Variants in GDAP1 observed in about 807,000 individuals in gnomAD.
The protein encoded by GDAP1 is ganglioside induced differentiation associated protein 1, also known as ganglioside-induced differentiation-associated protein 1.
A neutral mutation model predicts 40.1 loss-of-function variants in GDAP1; 34 were observed. That is an observed-to-expected ratio of 0.85 (90% CI 0.64 to 1.13). The LOEUF is 1.13. GDAP1 is among the 50% of genes most tolerant of loss of function. The pLI, the probability that GDAP1 is intolerant of heterozygous loss-of-function variation, is 0.00. For missense variants in GDAP1, 374 were observed against 433.7 expected, an observed-to-expected ratio of 0.86 and a Z score of 1.22; for synonymous variants, 170 against 157.4, an observed-to-expected ratio of 1.08 and a Z score of -0.60.
chr8:74,464,562 G>T (rs1470446765), intron 2 of GDAP1, among the ~76,000 whole-genome samples: 2 of 152,166 alleles, frequency 1.3e-5, no homozygotes, highest in African/African-American at 4.8e-5. Context: ...AAAAACATAT[G>T]GTTGTCCCTG....
chr8:74,378,113 G>A (rs575467395), intron 2 of GDAP1, among the ~76,000 whole-genome samples: 1 of 152,284 alleles, frequency 6.6e-6, no homozygotes, highest in South Asian at 2.1e-4. Context: ...CCCAAAATCA[G>A]TGTATCAGTG....
intron 2 of GDAP1, among the ~76,000 whole-genome samples, chr8:74,416,896 T>A (rs922838785): frequency 7.5e-5 from 11 of 146,832 alleles, no homozygotes; most frequent in Non-Finnish European, 7.4e-5. Context: ...TTTCCACTTA[T>A]GAAAAGTTTT....
intron 1 of GDAP1, 143 bp downstream of exon 1, chr8:74,350,721 C>A: frequency 1.4e-6 from 1 of 714,950 alleles, no homozygotes; most frequent in Non-Finnish European, 2.5e-6. Flanking sequence ...TCCCTCCAGG[C>A]GGGGACGCGC....
At chr8:74,392,049 C>T (rs1308951582) in intron 2 of GDAP1, among the ~76,000 whole-genome samples, 2 of 152,132 alleles carry the variant, frequency 1.3e-5, no homozygotes, top group African/African-American at 4.8e-5. Context: ...GAACTCCCGA[C>T]CTCAGGTGAT....
chr8:74,382,124 A>G (rs951784765), intron 2 of GDAP1, among the ~76,000 whole-genome samples: 1 of 152,022 alleles, frequency 6.6e-6, no homozygotes, highest in African/African-American at 2.4e-5. Flanking sequence ...ACATATTTCA[A>G]TCTGTTGCCT....
intron 2 of GDAP1, among the ~76,000 whole-genome samples, chr8:74,354,477 A>G (rs13277749): frequency 0.35 from 52,514 of 152,168 alleles, 9,902 homozygotes; most frequent in Middle Eastern, 0.47. Flanking sequence ...ACATTTGTGA[A>G]TGACAGAAAA....
rs79420778 is a variant in GDAP1 at position 74,413,717 on chromosome 8, CTT to C, written c.165+62411_165+62412del. ...TAAGTGGGTGGAATAAACTCCTAAG[CTT>C]TTTTTTTTTTTTTTCCTCATTGTGT... On this transcript the variant is annotated intron_variant, in intron 2 of 2. Coordinates refer to the GDAP1 transcript ENST00000523640. Among the ~76,000 whole-genome samples, 1,131 of 131,734 alleles carry C rather than the reference CTT, an allele frequency of 8.6e-3. 113 individuals are homozygous for C. Among genetic ancestry groups the C allele is most frequent in the African/African-American group, 0.033 (1,080 of 33,134 alleles). 86.4% of individuals were successfully genotyped at this position (131,734 alleles called of 152,430 possible).
At chr8:74,469,668 CAA>C (rs753792948) in intron 2 of GDAP1, among the ~76,000 whole-genome samples, 11 of 105,132 alleles carry the variant, frequency 1.0e-4, no homozygotes, top group Non-Finnish European at 9.9e-5. Context: ...GACTCCGTCT[CAA>C]AAAAAAAAAA....
intron 2 of GDAP1, among the ~76,000 whole-genome samples, chr8:74,471,599 T>C (rs1040779046): frequency 2.0e-5 from 3 of 152,176 alleles, no homozygotes; most frequent in Non-Finnish European, 4.4e-5. Flanking sequence ...TTAACATGTA[T>C]CTACATATAC....
chr8:74,390,546 T>C (rs1810092387), intron 2 of GDAP1, among the ~76,000 whole-genome samples: 1 of 152,182 alleles, frequency 6.6e-6, no homozygotes, highest in African/African-American at 2.4e-5. Context: ...TATTCCTTTT[T>C]GTAGAAGCTT....
intron 2 of GDAP1, among the ~76,000 whole-genome samples, chr8:74,451,705 G>T (rs1172005492): frequency 1.2e-5 from 1 of 80,814 alleles, no homozygotes; most frequent in Non-Finnish European, 2.5e-5. Context: ...CACTGGTATA[G>T]AATTCTATGT....
chr8:74,413,045 G>A (rs958554700), intron 2 of GDAP1, among the ~76,000 whole-genome samples: 22 of 100,236 alleles, frequency 2.2e-4, no homozygotes, highest in African/African-American at 6.2e-4. Flanking sequence ...CCAGCCTGGC[G>A]ATAAAGCGAG....
intron 2 of GDAP1, among the ~76,000 whole-genome samples, chr8:74,485,048 C>T (rs1806759641): frequency 6.6e-6 from 1 of 152,130 alleles, no homozygotes; most frequent in African/African-American, 2.4e-5. Flanking sequence ...TTAAAAATCA[C>T]AAATGGTGCT....
intron 2 of GDAP1, among the ~76,000 whole-genome samples, chr8:74,389,719 C>T (rs2131542312): frequency 6.6e-6 from 1 of 152,248 alleles, no homozygotes; most frequent in South Asian, 2.1e-4. Flanking sequence ...TGAATGTTGG[C>T]CTGCCTTGCT....
At chr8:74,443,618 T>C (rs956627592) in intron 2 of GDAP1, among the ~76,000 whole-genome samples, 2 of 152,060 alleles carry the variant, frequency 1.3e-5, no homozygotes, top group Non-Finnish European at 2.9e-5. Context: ...ATGAACAACT[T>C]AGCGAGACTT....
intron 2 of GDAP1, among the ~76,000 whole-genome samples, chr8:74,400,446 C>T (rs1344680516): frequency 6.7e-6 from 1 of 149,468 alleles, no homozygotes; most frequent in African/African-American, 2.6e-5. Flanking sequence ...CTATGTGTGT[C>T]TCTGCACGTG....
intron 2 of GDAP1, among the ~76,000 whole-genome samples, chr8:74,397,476 T>G (rs1047100902): frequency 3.6e-4 from 55 of 152,338 alleles, no homozygotes; most frequent in African/African-American, 1.2e-3. Context: ...CTTCTAGGGT[T>G]TTTATGGTTT....
chr8:74,403,731 C>G (rs1805597843), intron 2 of GDAP1, among the ~76,000 whole-genome samples: 1 of 150,108 alleles, frequency 6.7e-6, no homozygotes, highest in South Asian at 2.1e-4. Context: ...CTTGATAGAA[C>G]AGTGAGGATG....
At chr8:74,376,443 G>C (rs984836000) in intron 2 of GDAP1, among the ~76,000 whole-genome samples, 1 of 151,556 alleles carries the variant, frequency 6.6e-6, no homozygotes, top group East Asian at 1.9e-4. Context: ...CTGCCTCCCG[G>C]GTTCACGCCA....
Sources: gnomAD v4.1 joint callset for allele counts (sites outside exome capture counted in the v4.1 genomes callset) on GRCh38, gnomAD v4.1.1 for gene constraint, MANE v1.5 for transcripts, NCBI Gene and HGNC (gene_info 2026-07-23, HGNC 2026-07-21) for gene names.